ARHGEF7: variants seen among roughly 807,000 people sequenced by gnomAD.
ARHGEF7 encodes the protein PAK-interacting exchange factor beta.
In ARHGEF7, 33 loss-of-function variants were observed where a neutral mutation model predicts 109.8. The observed-to-expected ratio is 0.30, with a 90% CI of 0.23 to 0.40. The LOEUF is 0.40. Ranked by LOEUF, ARHGEF7 falls within the 10% of genes least tolerant of loss-of-function variation. The probability of loss-of-function intolerance (pLI) is 1.00; values close to 1 mark genes in which losing one functional copy is unlikely to be tolerated. For missense variants in ARHGEF7, 938 were observed against 1,098.5 expected (o/e 0.85, Z 2.07); for synonymous variants, 458 against 424.6 (o/e 1.08, Z -0.97).
At chr13:111,281,015 GTT>G (rs975963899) in intron 15 of ARHGEF7, 4 of 186,238 alleles carry the variant, frequency 2.1e-5, no homozygotes, top group African/African-American at 9.3e-5. Flanking sequence ...AATTTTAACT[GTT>G]TATTATGCTT....
chr13:111,114,887 C>T (rs1455523133), upstream of ARHGEF7: 3 of 152,284 alleles, frequency 2.0e-5, no homozygotes, highest in Non-Finnish European at 4.4e-5. Context: ...CAAAGCGAAA[C>T]AAACGTCTCG....
At chr13:111,159,197 G>C (rs553005346) in intron 2 of ARHGEF7, 21 of 645,688 alleles carry the variant, frequency 3.3e-5, no homozygotes, top group African/African-American at 1.5e-4. Context: ...ATTCATTGTT[G>C]TTGCAAATAA....
intron 8 of ARHGEF7, among the ~76,000 whole-genome samples, chr13:111,252,228 A>C (rs1385626261): frequency 6.6e-6 from 1 of 152,216 alleles, no homozygotes; most frequent in African/African-American, 2.4e-5. Context: ...CTTTTTACCC[A>C]GATGTAATTA....
At chr13:111,175,267 G>C (rs929199479) in intron 2 of ARHGEF7, among the ~76,000 whole-genome samples, 4 of 152,252 alleles carry the variant, frequency 2.6e-5, no homozygotes, top group African/African-American at 9.6e-5. Context: ...GCCCACACTT[G>C]TATGGTTCAG....
intron 1 of ARHGEF7, among the ~76,000 whole-genome samples, chr13:111,149,679 CTG>C (rs1439684194): frequency 3.3e-5 from 5 of 152,200 alleles, no homozygotes; most frequent in Non-Finnish European, 7.3e-5. Flanking sequence ...ATAATAAACA[CTG>C]TGTTTCAGTT....
chr13:111,252,914 C>T lies in ARHGEF7; in HGVS notation c.950+8620C>T, dbSNP rs199531978. ...TCATAGTTCCACCTCTTTCAGTTGGCAGTGCTTTTCGCAGGCCTGGCAGCT... is the reference window on the plus strand; with the variant it reads ...TCATAGTTCCACCTCTTTCAGTTGGTAGTGCTTTTCGCAGGCCTGGCAGCT... On this transcript the variant is annotated intron_variant, in intron 8 of 21. Coordinates refer to ENST00000646102, the MANE Select transcript of ARHGEF7 (RefSeq NM_001354046.2). Among the ~76,000 whole-genome samples the T allele has an allele frequency of 2.6e-5, 4 of 152,354 alleles. No homozygotes were observed. In the East Asian group the frequency reaches 7.7e-4, roughly 29 times the overall value.
At chr13:111,178,372 C>A (rs2153425801) in intron 2 of ARHGEF7, among the ~76,000 whole-genome samples, 1 of 152,274 alleles carries the variant, frequency 6.6e-6, no homozygotes, top group East Asian at 1.9e-4. Context: ...CATTCTTATC[C>A]AAAATATGTG....
At chr13:111,287,841 C>G (rs1393752123) in intron 17 of ARHGEF7, among the ~76,000 whole-genome samples, 1 of 152,258 alleles carries the variant, frequency 6.6e-6, no homozygotes, top group East Asian at 1.9e-4. Flanking sequence ...GATGATGGGC[C>G]CGGGTTTTCA....
At chr13:111,277,501 T>G in intron 12 of ARHGEF7, 86 bp from the exon 13 acceptor site, 1 of 795,378 alleles carries the variant, frequency 1.3e-6, no homozygotes, top group Non-Finnish European at 2.1e-6. Context: ...TCATAGGGCC[T>G]AGTATAAATA....
chr13:111,292,406 C>T (rs1303710685), intron 19 of ARHGEF7, 112 bp downstream of exon 19: 1 of 1,531,724 alleles, frequency 6.5e-7, no homozygotes, highest in Non-Finnish European at 8.8e-7. Context: ...TCTTGCTGTT[C>T]CTTGTCTCTT....
At chr13:111,198,003 G>A (rs960280100) in intron 2 of ARHGEF7, among the ~76,000 whole-genome samples, 11 of 152,254 alleles carry the variant, frequency 7.2e-5, no homozygotes, top group Non-Finnish European at 1.0e-4. Context: ...CATGGCCACA[G>A]GGTCAACCAG....
rs1307945533 is a variant in ARHGEF7, at chr13:111,300,833, A to G, written c.2397A>G (p.Thr799=). The G allele has an allele frequency of 1.9e-6, 3 of 1,600,022 alleles. No homozygotes were observed. The East Asian group carries it at 6.7e-5, about 36-fold the overall frequency. The change falls in exon 20 of 22, where the codon ACA becomes ACG. Residue 799 remains threonine, a synonymous_variant. Transcript: ENST00000646102. ...AAGAAACTAAAAGTAATGGTCAGAC[A>G]GTGATAGAAGAAAAGTAAGATGTCT... ...IVEETKSNGQ[T]VIEEKSLVDT... is the part of the protein sequence containing the mutation.
At chr13:111,115,717 C>A in intron 1 of ARHGEF7, 26 bp downstream of exon 1, 2 of 1,132,092 alleles carry the variant, frequency 1.8e-6, no homozygotes, top group East Asian at 4.4e-5. Flanking sequence ...CGCCCCCGCC[C>A]GCGCCCCCCG....
intron 1 of ARHGEF7, among the ~76,000 whole-genome samples, chr13:111,118,607 C>T (rs555668874): frequency 3.9e-5 from 6 of 152,126 alleles, no homozygotes; most frequent in Admixed American, 6.5e-5. Context: ...GAGGTCATGA[C>T]GTCTAGGGAG....
chr13:111,186,753 G>C (rs1357006100), intron 2 of ARHGEF7: 2 of 920,290 alleles, frequency 2.2e-6, no homozygotes, highest in Non-Finnish European at 2.6e-6. Flanking sequence ...GTTCCTGGAG[G>C]AGGCGAGCTG....
rs1163686606 is a variant in ARHGEF7 at position 111,115,375 on chromosome 13, C to T, written c.-152C>T. The T allele has an allele frequency of 2.4e-5, 9 of 377,932 alleles. No homozygotes were observed. The highest frequency in any genetic ancestry group is 1.8e-4 in the African/African-American group (8 of 44,886). 23.4% of individuals were successfully genotyped at this position (377,932 alleles called of 1,614,324 possible). The stretch of plus-strand genomic sequence containing the variant: ...GGCCGGGGCGCACGGAGAAGCGGGC[C>T]GGGCCGGACCTGCTGGGCCGCGCCG... On this transcript the variant is annotated 5_prime_UTR_variant, in exon 1 of 22. Coordinates refer to ENST00000646102, the MANE Select transcript of ARHGEF7 (RefSeq NM_001354046.2).
intron 2 of ARHGEF7, among the ~76,000 whole-genome samples, chr13:111,197,230 C>T (rs768616154): frequency 6.4e-4 from 97 of 151,692 alleles, no homozygotes; most frequent in Non-Finnish European, 9.8e-4. Context: ...TGCTCGCCGA[C>T]GCAGCAGCAG....
rs560043744 is a variant in ARHGEF7, at chr13:111,131,936, G to A, written c.165+16245G>A. The stretch of plus-strand genomic sequence containing the variant: ...GGAAATGTTGGAATAGAGTTGTGGA[G>A]TATGAGAGAGGGGTGGACTCAGTGA... On this transcript the variant is annotated intron_variant, in intron 1 of 21. Transcript: ENST00000646102. This position sits in a 1 kb window ranked among gnomAD's most constrained non-coding sequence, Gnocchi z 4.4. Among the ~76,000 whole-genome samples, 1 of 152,202 alleles carries A rather than the reference G, an allele frequency of 6.6e-6. No homozygotes were observed. Among genetic ancestry groups the A allele is most frequent in the South Asian group, 2.1e-4 (1 of 4,832 alleles).
intron 18 of ARHGEF7, among the ~76,000 whole-genome samples, chr13:111,290,713 A>C (rs189848413): frequency 1.7e-4 from 26 of 152,374 alleles, no homozygotes; most frequent in African/African-American, 6.3e-4. Context: ...CCTGTGCAAG[A>C]AAAGCATTGA....
Sources: allele counts gnomAD v4.1 joint callset (sites outside exome capture counted in the v4.1 genomes callset), GRCh38; gene constraint gnomAD v4.1.1; non-coding constraint Gnocchi (gnomAD v3.1); transcripts MANE v1.5; gene names NCBI Gene and HGNC (gene_info 2026-07-23, HGNC 2026-07-21).